The following TNIK variants were observed in gnomAD, a reference collection of about 807,000 sequenced individuals.
TNIK encodes TRAF2 and NCK-interacting protein kinase.
In TNIK, 49 loss-of-function variants were observed where a neutral mutation model predicts 191.3. The ratio of observed to expected loss-of-function variants is 0.26; its 90% CI spans 0.20 to 0.32. The LOEUF (loss-of-function observed/expected upper bound fraction) is 0.32, where lower values mean the gene tolerates loss of function less well. Among genes scored for constraint, TNIK ranks in the 10% least tolerant of loss-of-function variants. TNIK has a pLI of 1.00. For synonymous variants in TNIK, 594 were observed against 600.9 expected, an observed-to-expected ratio of 0.99 and a Z score of 0.17; for missense variants, 1,155 against 1,702.3, an observed-to-expected ratio of 0.68 and a Z score of 5.66.
At chr3:171,322,730 T>C (rs1181843186) in intron 2 of TNIK, among the ~76,000 whole-genome samples, 2 of 152,114 alleles carry the variant, frequency 1.3e-5, no homozygotes, top group Non-Finnish European at 2.9e-5. Flanking sequence ...ATTTCAGTGC[T>C]CAGGAAAGCT....
chr3:171,189,281 T>C (rs1445715544), intron 6 of TNIK, among the ~76,000 whole-genome samples: 3 of 152,228 alleles, frequency 2.0e-5, no homozygotes, highest in African/African-American at 7.2e-5. Flanking sequence ...TTGAATAATA[T>C]TCCATTGTGT....
intron 12 of TNIK, among the ~76,000 whole-genome samples, chr3:171,146,478 A>G (rs188531667): frequency 6.6e-6 from 1 of 152,312 alleles, no homozygotes; most frequent in East Asian, 1.9e-4. Context: ...TCATTGGGAT[A>G]GAGGGGTAGG....
intron 21 of TNIK, among the ~76,000 whole-genome samples, chr3:171,102,456 A>G (rs1173697050): frequency 1.3e-5 from 2 of 152,156 alleles, no homozygotes; most frequent in Non-Finnish European, 2.9e-5. Flanking sequence ...ATCACCAGGC[A>G]TACTGCAGGC....
intron 21 of TNIK, among the ~76,000 whole-genome samples, chr3:171,104,216 T>C (rs1157538879): frequency 1.3e-5 from 2 of 152,170 alleles, no homozygotes; most frequent in East Asian, 3.8e-4. Flanking sequence ...TGTGTTTAGC[T>C]GAAGTTTTGT....
chr3:171,070,142 A>C (rs142188174), intron 29 of TNIK, among the ~76,000 whole-genome samples: 69 of 152,238 alleles, frequency 4.5e-4, no homozygotes, highest in African/African-American at 1.5e-3. Context: ...GGCTTTTAGG[A>C]GTTATCCCTT....
At chr3:171,209,912 A>G (rs1740584227) in intron 4 of TNIK, among the ~76,000 whole-genome samples, 1 of 152,224 alleles carries the variant, frequency 6.6e-6, no homozygotes, top group Non-Finnish European at 1.5e-5. Flanking sequence ...TGTCTGATGC[A>G]TTAAAATAGT....
At chr3:171,397,372 G>T (rs1213083966) in intron 1 of TNIK, among the ~76,000 whole-genome samples, 1 of 152,100 alleles carries the variant, frequency 6.6e-6, no homozygotes, top group African/African-American at 2.4e-5. Context: ...TAAAAAGTTG[G>T]CCAACACAGT....
intron 1 of TNIK, among the ~76,000 whole-genome samples, chr3:171,373,565 A>G (rs1420340701): frequency 6.6e-6 from 1 of 152,148 alleles, no homozygotes; most frequent in Non-Finnish European, 1.5e-5. Flanking sequence ...TATTCTCCAT[A>G]CTGATCTTTC....
intron 2 of TNIK, chr3:171,347,221 G>GAAAAAAAAAAAAAAAAAA: frequency 7.1e-7 from 1 of 1,417,896 alleles, no homozygotes; most frequent in South Asian, 1.3e-5. Context: ...TTCATTTGCT[G>GAAAAAAAAAAAAAAAAAA]AAAAAAAAAA....
intron 1 of TNIK, among the ~76,000 whole-genome samples, chr3:171,373,187 G>A (rs1278455825): frequency 6.6e-6 from 1 of 152,058 alleles, no homozygotes; most frequent in African/African-American, 2.4e-5. Flanking sequence ...TCCCCAAAAG[G>A]TCACCATGAA....
chr3:171,392,266 A>G (rs1487384718), intron 1 of TNIK, among the ~76,000 whole-genome samples: 3 of 152,228 alleles, frequency 2.0e-5, no homozygotes, highest in Non-Finnish European at 4.4e-5. Context: ...AGAGAATGGC[A>G]TTTGAAACTT....
intron 2 of TNIK, among the ~76,000 whole-genome samples, chr3:171,251,185 A>G (rs1017934633): frequency 1.3e-5 from 2 of 152,212 alleles, no homozygotes; most frequent in Non-Finnish European, 1.5e-5. Flanking sequence ...TCTGGGAAGA[A>G]CAGCAGATAC....
chr3:171,241,065 T>C (rs1194883242), intron 2 of TNIK, among the ~76,000 whole-genome samples: 1 of 151,798 alleles, frequency 6.6e-6, no homozygotes, highest in Non-Finnish European at 1.5e-5. Context: ...AGTTCTGCTC[T>C]TGTTGCCCAG....
At chr3:171,360,888 A>AT (rs1273704432) in intron 2 of TNIK, among the ~76,000 whole-genome samples, 1 of 152,204 alleles carries the variant, frequency 6.6e-6, no homozygotes, top group Non-Finnish European at 1.5e-5. Flanking sequence ...GAAGTGATCT[A>AT]TTTTCATGTC....
At chr3:171,256,381 C>A (rs948705934) in intron 2 of TNIK, among the ~76,000 whole-genome samples, 14 of 152,094 alleles carry the variant, frequency 9.2e-5, no homozygotes, top group Admixed American at 7.9e-4. Flanking sequence ...GTGGTACAGT[C>A]GAGGGAGGCA....
chr3:171,108,203 C>G, intron 19 of TNIK, 41 bp from the exon 20 acceptor site: 1 of 1,466,334 alleles, frequency 6.8e-7, no homozygotes, highest in Non-Finnish European at 9.1e-7. Context: ...AGATGGCCAT[C>G]AAAAAGTGCT....
At chr3:171,218,434 C>A (rs891128037) in intron 3 of TNIK, among the ~76,000 whole-genome samples, 9 of 151,954 alleles carry the variant, frequency 5.9e-5, no homozygotes, top group African/African-American at 2.2e-4. Flanking sequence ...TAATGTCACT[C>A]ATGTGGCTAA....
At chr3:171,082,919 G>T (rs1010749086) in intron 26 of TNIK, among the ~76,000 whole-genome samples, 4 of 152,048 alleles carry the variant, frequency 2.6e-5, no homozygotes, top group Non-Finnish European at 2.9e-5. Context: ...TCAAGTTTTT[G>T]CTCTTTTTTA....
intron 28 of TNIK, among the ~76,000 whole-genome samples, chr3:171,078,362 A>G (rs779384828): frequency 6.6e-6 from 1 of 150,496 alleles, no homozygotes; most frequent in African/African-American, 2.4e-5. Flanking sequence ...TTTTTGTTCT[A>G]CTCTTTAGGA....
Sources: gnomAD v4.1 joint callset for allele counts (sites outside exome capture counted in the v4.1 genomes callset) on GRCh38, gnomAD v4.1.1 for gene constraint, MANE v1.5 for transcripts, NCBI Gene and HGNC (gene_info 2026-07-23, HGNC 2026-07-21) for gene names.